The following MAGI1 variants were observed in gnomAD, a reference collection of about 807,000 sequenced individuals.
The protein encoded by MAGI1 is membrane-associated guanylate kinase, WW and PDZ domain-containing protein 1.
A neutral mutation model predicts 139.9 loss-of-function variants in MAGI1; 58 were observed. The ratio of observed to expected loss-of-function variants is 0.41; its 90% confidence interval spans 0.34 to 0.52. The LOEUF (loss-of-function observed/expected upper bound fraction) is 0.52. Among genes scored for constraint, MAGI1 ranks in the 20% least tolerant of loss-of-function variants. The pLI, the probability that MAGI1 is intolerant of heterozygous loss-of-function variation, is 0.12. For synonymous variants in MAGI1, 812 were observed against 737.9 expected (o/e 1.10, Z -1.63); for missense variants, 1,874 against 1,901.6 (o/e 0.99, Z 0.27).
intron 1 of MAGI1, among the ~76,000 whole-genome samples, chr3:65,644,113 C>A (rs1319036348): frequency 6.6e-6 from 1 of 152,096 alleles, no homozygotes. Flanking sequence ...ACTTCTACCC[C>A]CACTGGACTG....
intron 1 of MAGI1, among the ~76,000 whole-genome samples, chr3:65,929,381 A>C (rs1011481856): frequency 6.6e-6 from 1 of 151,032 alleles, no homozygotes; most frequent in South Asian, 2.1e-4. Flanking sequence ...TCGCTCTGTC[A>C]CCATGCTGGA....
chr3:65,914,789 T>A (rs1288462554), intron 1 of MAGI1, among the ~76,000 whole-genome samples: 2 of 152,208 alleles, frequency 1.3e-5, no homozygotes. Flanking sequence ...TATGTACATA[T>A]ACAAAGGGTT....
chr3:65,988,289 A>G (rs1025811502), intron 1 of MAGI1, among the ~76,000 whole-genome samples: 9 of 152,144 alleles, frequency 5.9e-5, no homozygotes, highest in African/African-American at 2.2e-4. Context: ...GTGGTCAGCT[A>G]TTTTTGAGGT....
intron 2 of MAGI1, among the ~76,000 whole-genome samples, chr3:65,504,069 C>A (rs1576061157): frequency 6.6e-6 from 1 of 152,240 alleles, no homozygotes; most frequent in South Asian, 2.1e-4. Context: ...GCAAATGGTT[C>A]CCAGTAATAA....
chr3:65,530,854 C>T (rs9822945), intron 2 of MAGI1, among the ~76,000 whole-genome samples: 46,377 of 107,256 alleles, frequency 0.43, 12,629 homozygotes, highest in Middle Eastern at 0.56. Flanking sequence ...CACACACACA[C>T]ATATATATAT....
At chr3:65,422,255 C>T (rs988821050) in intron 12 of MAGI1, among the ~76,000 whole-genome samples, 2 of 152,202 alleles carry the variant, frequency 1.3e-5, no homozygotes, top group Admixed American at 6.5e-5. Context: ...GAGATAGTGG[C>T]TACTTGACAA....
intron 1 of MAGI1, among the ~76,000 whole-genome samples, chr3:65,719,141 C>A (rs1204434167): frequency 3.3e-5 from 5 of 151,484 alleles, no homozygotes; most frequent in Non-Finnish European, 7.4e-5. Context: ...ACAAAAGCAT[C>A]AGAAGACAGA....
chr3:65,629,676 T>G (rs953408963), intron 1 of MAGI1, among the ~76,000 whole-genome samples: 1 of 152,204 alleles, frequency 6.6e-6, no homozygotes, highest in African/African-American at 2.4e-5. Flanking sequence ...CACTCAAACT[T>G]ACAATCCAAA....
At chr3:65,687,742 C>G (rs1559787295) in intron 1 of MAGI1, 1 of 549,188 alleles carries the variant, frequency 1.8e-6, no homozygotes, top group South Asian at 1.4e-5. Context: ...CCTGAGAGCA[C>G]AGGATCCTTC....
chr3:65,558,207 T>G (rs761721381), intron 2 of MAGI1, among the ~76,000 whole-genome samples: 166 of 122,892 alleles, frequency 1.4e-3, no homozygotes, highest in Non-Finnish European at 2.7e-3. Context: ...GGAGTCCAAG[T>G]GCCCCCATCT....
chr3:65,565,682 C>A (rs1220289341), intron 2 of MAGI1, among the ~76,000 whole-genome samples: 3 of 151,554 alleles, frequency 2.0e-5, no homozygotes, highest in Non-Finnish European at 4.4e-5. Flanking sequence ...CATGGTGAAA[C>A]CCTGTCTCTA....
At chr3:65,488,283 T>C (rs1320205861) in intron 3 of MAGI1, among the ~76,000 whole-genome samples, 1 of 152,218 alleles carries the variant, frequency 6.6e-6, no homozygotes. Context: ...TGAAGCTTTC[T>C]ATAAGCTTCT....
intron 2 of MAGI1, among the ~76,000 whole-genome samples, chr3:65,531,083 T>C (rs1281170088): frequency 6.6e-6 from 1 of 151,898 alleles, no homozygotes; most frequent in East Asian, 1.9e-4. Context: ...AGATTAATGG[T>C]ACTGCTTACC....
At chr3:65,828,650 C>T (rs2042358364) in intron 1 of MAGI1, among the ~76,000 whole-genome samples, 1 of 152,112 alleles carries the variant, frequency 6.6e-6, no homozygotes, top group African/African-American at 2.4e-5. Flanking sequence ...TAATGATGTC[C>T]ACGTTCTCAT....
chr3:65,879,369 T>C (rs2060238001), intron 1 of MAGI1, among the ~76,000 whole-genome samples: 1 of 151,808 alleles, frequency 6.6e-6, no homozygotes, highest in South Asian at 2.1e-4. Flanking sequence ...AATCTGAATA[T>C]GGGAGTAAAG....
intron 13 of MAGI1, among the ~76,000 whole-genome samples, chr3:65,393,435 T>C (rs904020817): frequency 6.6e-6 from 1 of 152,188 alleles, no homozygotes; most frequent in Non-Finnish European, 1.5e-5. Flanking sequence ...TTTACTTTTA[T>C]GGTGCATAGA....
intron 3 of MAGI1, among the ~76,000 whole-genome samples, chr3:65,487,746 T>A (rs1951717492): frequency 6.6e-6 from 1 of 152,158 alleles, no homozygotes; most frequent in Non-Finnish European, 1.5e-5. Context: ...CATAACATCC[T>A]CTTTGGGAAG....
intron 1 of MAGI1, among the ~76,000 whole-genome samples, chr3:65,682,278 AGAAG>A (rs966614723): frequency 5.3e-5 from 8 of 152,294 alleles, no homozygotes; most frequent in Non-Finnish European, 1.0e-4. Context: ...CTCCCTACAA[AGAAG>A]GAAGTGGGAG....
intron 5 of MAGI1, among the ~76,000 whole-genome samples, chr3:65,454,502 G>A (rs1949250361): frequency 7.1e-6 from 1 of 140,586 alleles, no homozygotes; most frequent in Non-Finnish European, 1.5e-5. Context: ...TGCACATTGT[G>A]CACATGTACC....
Sources: allele counts gnomAD v4.1 joint callset (sites outside exome capture counted in the v4.1 genomes callset), GRCh38; gene constraint gnomAD v4.1.1; transcripts MANE v1.5; gene names NCBI Gene and HGNC (gene_info 2026-07-23, HGNC 2026-07-21).